CALN1: variants seen among roughly 807,000 people sequenced by gnomAD.
The protein encoded by CALN1 is calcium-binding protein 8.
Under a neutral mutation model 30.6 loss-of-function variants are expected in CALN1, and 17 were observed. That is an observed-to-expected ratio of 0.56 (90% CI 0.38 to 0.83). The LOEUF is 0.83. Among genes scored for constraint, CALN1 ranks in the 40% least tolerant of loss-of-function variants. CALN1 has a pLI of 0.00. For synonymous variants in CALN1, 156 were observed against 131.4 expected (o/e 1.19, Z -1.28); for missense variants, 291 against 354.9 (o/e 0.82, Z 1.45).
At chr7:72,279,911 G>C (rs501383) in intron 2 of CALN1, among the ~76,000 whole-genome samples, 1 of 151,980 alleles carries the variant, frequency 6.6e-6, no homozygotes, top group Admixed American at 6.5e-5. Context: ...TCAATCACAA[G>C]GAGTGGGTAG....
intron 2 of CALN1, among the ~76,000 whole-genome samples, chr7:72,316,054 G>C (rs1247490288): frequency 2.0e-5 from 3 of 151,978 alleles, no homozygotes; most frequent in Admixed American, 2.0e-4. Flanking sequence ...AGGAAGCTGA[G>C]GCAGGAGAAT....
chr7:71,920,039 C>A (rs1441475362), intron 5 of CALN1, among the ~76,000 whole-genome samples: 3 of 152,154 alleles, frequency 2.0e-5, no homozygotes, highest in African/African-American at 7.2e-5. Flanking sequence ...TGGGAAGGTA[C>A]AATGTTCAAA....
chr7:72,114,779 A>C (rs975261839), intron 3 of CALN1, among the ~76,000 whole-genome samples: 2 of 152,132 alleles, frequency 1.3e-5, no homozygotes, highest in African/African-American at 4.8e-5. Flanking sequence ...AGATCACCTG[A>C]GGTCAGGAGT....
intron 1 of CALN1, among the ~76,000 whole-genome samples, chr7:72,403,730 G>C (rs1049531541): frequency 2.0e-5 from 3 of 152,174 alleles, no homozygotes; most frequent in Non-Finnish European, 4.4e-5. Flanking sequence ...GGCATTGCTG[G>C]AGTATGTGCA....
chr7:72,018,690 T>C (rs1163754531), intron 5 of CALN1, among the ~76,000 whole-genome samples: 2 of 152,132 alleles, frequency 1.3e-5, no homozygotes, highest in African/African-American at 4.8e-5. Flanking sequence ...TTAATCAATT[T>C]CCTGCAAAGA....
chr7:72,494,854 A>G, the CALN1 span, among the ~76,000 whole-genome samples: 1 of 151,604 alleles, frequency 6.6e-6, no homozygotes, highest in African/African-American at 2.4e-5. Flanking sequence ...GGGACAGAGA[A>G]AGACCCTGTC....
intron 2 of CALN1, among the ~76,000 whole-genome samples, chr7:72,305,056 T>A (rs988652319): frequency 6.6e-6 from 1 of 152,206 alleles, no homozygotes; most frequent in African/African-American, 2.4e-5. Flanking sequence ...TGTGACCTGC[T>A]GTCTGCAGCC....
At position 71,780,167 on chromosome 7, in the gene CALN1, A is replaced by G. The variant is rs1562765394; in HGVS notation, c.*7608T>C. The G allele has an allele frequency of 6.6e-6, 1 of 152,214 alleles. No homozygotes were observed. Among genetic ancestry groups the G allele is most frequent in the Non-Finnish European group, 1.5e-5 (1 of 68,044 alleles). 9.4% of individuals were successfully genotyped at this position (152,214 alleles called of 1,614,324 possible). ...CTTCCTGGATTCAGAACTGGGGAAG[A>G]AAATCAGACCCCAATAAGGACCCCT... On this transcript the variant is annotated 3_prime_UTR_variant, in exon 7 of 7. Coordinates refer to ENST00000395275, the MANE Select transcript of CALN1 (RefSeq NM_031468.4).
At chr7:72,122,508 G>C (rs1286763291) in intron 3 of CALN1, among the ~76,000 whole-genome samples, 2 of 152,152 alleles carry the variant, frequency 1.3e-5, no homozygotes, top group Non-Finnish European at 2.9e-5. Flanking sequence ...AGGCCAAGGT[G>C]TGAGGATGAC....
At chr7:72,415,099 G>A (rs141062124), upstream of CALN1, among the ~76,000 whole-genome samples, 1 of 152,240 alleles carries the variant, frequency 6.6e-6, no homozygotes, top group East Asian at 1.9e-4. Flanking sequence ...GACCATGCTG[G>A]CACTTTGACC....
intron 2 of CALN1, among the ~76,000 whole-genome samples, chr7:72,381,508 A>T (rs74524681): frequency 1.1e-3 from 162 of 152,340 alleles, no homozygotes; most frequent in African/African-American, 3.5e-3. Context: ...TGCAGCCATA[A>T]AAAAGAATGA....
At chr7:72,054,435 A>G (rs574953469) in intron 4 of CALN1, among the ~76,000 whole-genome samples, 235 of 3,208 alleles carry the variant, frequency 0.073, 10 homozygotes, top group Admixed American at 0.16. Flanking sequence ...ATATACACGT[A>G]TATATATATA....
chr7:72,480,446 G>A, the CALN1 span, among the ~76,000 whole-genome samples: 7 of 152,132 alleles, frequency 4.6e-5, no homozygotes, highest in East Asian at 1.9e-4. Flanking sequence ...ATATACTTGC[G>A]GGATATTGGA....
chr7:72,185,541 C>T (rs1307160060), intron 3 of CALN1, among the ~76,000 whole-genome samples: 2 of 152,124 alleles, frequency 1.3e-5, no homozygotes, highest in African/African-American at 4.8e-5. Context: ...AAATATGTCA[C>T]CTTACATGAC....
chr7:71,840,485 TAAAAAAAAAAA>T (rs61579583), intron 5 of CALN1, among the ~76,000 whole-genome samples: 2 of 101,344 alleles, frequency 2.0e-5, no homozygotes, highest in Admixed American at 1.1e-4. Context: ...ATGCTCTCTT[TAAAAAAAAAAA>T]AAAAAAAAAA....
intron 4 of CALN1, among the ~76,000 whole-genome samples, chr7:72,084,929 G>GC (rs1805383600): frequency 6.6e-6 from 1 of 152,096 alleles, no homozygotes; most frequent in African/African-American, 2.4e-5. Context: ...AAAATCTCAT[G>GC]CCATCCCACT....
chr7:72,276,622 A>G (rs1341871646), intron 3 of CALN1, among the ~76,000 whole-genome samples: 3 of 151,738 alleles, frequency 2.0e-5, no homozygotes, highest in African/African-American at 7.3e-5. Context: ...GATTAATGTC[A>G]TTATCTCGGG....
chr7:72,358,210 G>A (rs1803354495), intron 2 of CALN1, among the ~76,000 whole-genome samples: 1 of 151,814 alleles, frequency 6.6e-6, no homozygotes, highest in Non-Finnish European at 1.5e-5. Context: ...CCAGGCACTG[G>A]TCTCAAATGC....
chr7:72,166,125 T>C (rs1788506390), intron 3 of CALN1, among the ~76,000 whole-genome samples: 2 of 152,176 alleles, frequency 1.3e-5, no homozygotes, highest in South Asian at 4.1e-4. Context: ...ATAAAAACAT[T>C]AGAAGAAAGC....
Sources: gnomAD v4.1 joint callset for allele counts (sites outside exome capture counted in the v4.1 genomes callset) on GRCh38, gnomAD v4.1.1 for gene constraint, MANE v1.5 for transcripts, NCBI Gene and HGNC (gene_info 2026-07-23, HGNC 2026-07-21) for gene names.